Variants in DNAH6 observed in about 807,000 individuals in gnomAD.
The protein encoded by DNAH6 is dynein axonemal heavy chain 6, also known as axonemal beta dynein heavy chain 6.
A neutral mutation model predicts 491.4 loss-of-function variants in DNAH6; 340 were observed. The observed-to-expected ratio is 0.69, with a 90% CI of 0.63 to 0.76. DNAH6 has a LOEUF of 0.76. Ranked by LOEUF, DNAH6 falls within the 30% of genes least tolerant of loss-of-function variation. DNAH6 has a pLI of 0.00. For synonymous variants in DNAH6, 1,603 were observed against 1,686.1 expected, an observed-to-expected ratio of 0.95 and a Z score of 1.21; for missense variants, 4,443 against 4,972.2, an observed-to-expected ratio of 0.89 and a Z score of 3.20.
intron 63 of DNAH6, among the ~76,000 whole-genome samples, chr2:84,745,774 C>T (rs1672919367): frequency 6.6e-6 from 1 of 152,032 alleles, no homozygotes. Flanking sequence ...TATCCTTTCC[C>T]TGGTGTGTGC....
At chr2:84,619,975 G>T (rs1687245570) in intron 24 of DNAH6, 71 bp downstream of exon 24, 1 of 1,292,812 alleles carries the variant, frequency 7.7e-7, no homozygotes, top group African/African-American at 1.5e-5. Flanking sequence ...CTCACTCTAA[G>T]CATACAGGTA....
Position 84,549,885 on chromosome 2 carries a change from C to A in DNAH6, c.1317-4C>A. 6.4e-7 allele frequency: 1 copy of A among 1,568,144 alleles called. No homozygotes were observed. Among genetic ancestry groups the A allele is most frequent in the Non-Finnish European group, 8.6e-7 (1 of 1,156,804 alleles). ...AAATTGTATTAGTTTTTTTTCTTTT[C>A]AAGCTTTATTCGTCTAAACGACTAT... On this transcript the variant is annotated splice_region_variant and splice_polypyrimidine_tract_variant and intron_variant, in intron 8 of 76. Transcript: ENST00000389394.
At chr2:84,758,367 A>G (rs927174880) in intron 63 of DNAH6, among the ~76,000 whole-genome samples, 2 of 152,200 alleles carry the variant, frequency 1.3e-5, no homozygotes, top group Non-Finnish European at 1.5e-5. Context: ...AATAAAAACT[A>G]TAAAAGAAGT....
chr2:84,492,735 G>C, the DNAH6 span, among the ~76,000 whole-genome samples: 2 of 152,024 alleles, frequency 1.3e-5, no homozygotes, highest in South Asian at 4.1e-4. Context: ...AGTGCCTCGG[G>C]GAATGAATTC....
Position 84,703,301 on chromosome 2 carries a change from C to T in DNAH6, c.8062-94C>T, listed in dbSNP as rs548795659. ...CAAACTGATTTAACAATTCTGTAGA[C>T]GTAAAAGTCTAATACATGAGTAATA... On this transcript the variant is annotated intron_variant, in intron 49 of 76. Coordinates refer to ENST00000389394, the MANE Select transcript of DNAH6 (RefSeq NM_001370.2). 3.7e-5 allele frequency: 33 copies of T among 889,802 alleles called. No individual in the cohort carries two copies. The East Asian group carries it at 3.9e-4, about 10-fold the overall frequency. 55.1% of individuals were successfully genotyped at this position (889,802 alleles called of 1,614,324 possible). A position where few individuals can be genotyped will look rare whatever the true frequency, so the allele number is the denominator to read the frequency against.
intron 4 of DNAH6, among the ~76,000 whole-genome samples, chr2:84,536,057 A>G (rs1039902689): frequency 6.6e-6 from 1 of 152,084 alleles, no homozygotes; most frequent in Non-Finnish European, 1.5e-5. Context: ...ATTATGAATT[A>G]CAAATTTAAA....
chr2:84,481,223 C>G, the DNAH6 span, among the ~76,000 whole-genome samples: 1 of 152,114 alleles, frequency 6.6e-6, no homozygotes, highest in African/African-American at 2.4e-5. Flanking sequence ...ACTTAAGACC[C>G]CAAAGCCTTA....
Position 84,707,502 on chromosome 2 carries a change from T to G in DNAH6, c.8852-18T>G. Reference sequence around the variant, plus strand: ...AAATATTTAATAGTATAATCTGATTTTCTTAAAATTTTTCTAGCAAAGACC... The same window carrying G: ...AAATATTTAATAGTATAATCTGATTGTCTTAAAATTTTTCTAGCAAAGACC... On this transcript the variant is annotated intron_variant, in intron 53 of 76. Transcript: ENST00000389394. 1 of 1,528,846 alleles carries G rather than the reference T, an allele frequency of 6.5e-7. No individual in the cohort carries two copies. The highest frequency in any genetic ancestry group is 1.4e-5 in the African/African-American group (1 of 71,610). 94.7% of individuals were successfully genotyped at this position (1,528,846 alleles called of 1,614,324 possible).
the DNAH6 span, among the ~76,000 whole-genome samples, chr2:84,466,152 G>A: frequency 0.011 from 1,656 of 152,208 alleles, 29 homozygotes; most frequent in African/African-American, 0.038. Flanking sequence ...TTTACCTACC[G>A]TTATTTACTT....
At chr2:84,812,980 T>C in intron 73 of DNAH6, 78 bp from the exon 74 acceptor site, 3 of 1,238,084 alleles carry the variant, frequency 2.4e-6, no homozygotes, top group African/African-American at 1.5e-5. Flanking sequence ...TGAGAAACTC[T>C]CCCCAAATAG....
chr2:84,697,798 T>G, intron 47 of DNAH6, 71 bp downstream of exon 47: 1 of 1,509,282 alleles, frequency 6.6e-7, no homozygotes, highest in Non-Finnish European at 9.0e-7. Flanking sequence ...TAACCATTCA[T>G]TGATTGCCTG....
At chr2:84,656,503 T>C (rs536798140) in intron 35 of DNAH6, among the ~76,000 whole-genome samples, 8 of 152,100 alleles carry the variant, frequency 5.3e-5, no homozygotes, top group Non-Finnish European at 1.2e-4. Flanking sequence ...CGTAGTAGTA[T>C]ATTGTTTTAA....
chr2:84,518,311 AC>A (rs1334547625), intron 2 of DNAH6, among the ~76,000 whole-genome samples: 1 of 152,256 alleles, frequency 6.6e-6, no homozygotes, highest in Non-Finnish European at 1.5e-5. Flanking sequence ...TATGTACAAT[AC>A]AGATACTTAA....
intron 11 of DNAH6, among the ~76,000 whole-genome samples, chr2:84,568,389 A>T (rs1383813393): frequency 6.6e-6 from 1 of 152,222 alleles, no homozygotes; most frequent in Non-Finnish European, 1.5e-5. Flanking sequence ...CTGTGCAGCC[A>T]TAAAAAAGAA....
chr2:84,518,587 ATT>A (rs896861173), intron 2 of DNAH6, among the ~76,000 whole-genome samples: 20 of 152,170 alleles, frequency 1.3e-4, no homozygotes, highest in Non-Finnish European at 2.4e-4. Context: ...AGCTACATCT[ATT>A]TCTCTCTGAC....
At chr2:84,508,506 T>C in the DNAH6 span, among the ~76,000 whole-genome samples, 11 of 152,212 alleles carry the variant, frequency 7.2e-5, no homozygotes, top group Non-Finnish European at 1.5e-4. Context: ...TGTTGATCTT[T>C]TCAAAAAACC....
intron 11 of DNAH6, among the ~76,000 whole-genome samples, chr2:84,571,328 C>A (rs186832370): frequency 7.1e-4 from 108 of 152,282 alleles, no homozygotes; most frequent in Admixed American, 2.2e-3. Flanking sequence ...CTCAAATTCT[C>A]TGTCCATAAG....
intron 19 of DNAH6, among the ~76,000 whole-genome samples, chr2:84,604,779 A>C (rs1685592856): frequency 6.6e-6 from 1 of 152,162 alleles, no homozygotes; most frequent in African/African-American, 2.4e-5. Context: ...ACAAGGTTTG[A>C]AATGTGCATG....
intron 35 of DNAH6, among the ~76,000 whole-genome samples, chr2:84,658,000 C>T (rs1252372321): frequency 2.0e-5 from 3 of 151,950 alleles, no homozygotes; most frequent in East Asian, 1.9e-4. Flanking sequence ...TAGAAGAGTG[C>T]ATGAAATATG....
Sources: gnomAD v4.1 joint callset for allele counts (sites outside exome capture counted in the v4.1 genomes callset) on GRCh38, gnomAD v4.1.1 for gene constraint, MANE v1.5 for transcripts, NCBI Gene and HGNC (gene_info 2026-07-23, HGNC 2026-07-21) for gene names.